The following DCDC1 variants were observed in gnomAD, a reference collection of about 807,000 sequenced individuals.
DCDC1 encodes the protein doublecortin domain-containing protein 1.
In DCDC1, 200 loss-of-function variants were observed where a neutral mutation model predicts 178.3. The observed-to-expected ratio is 1.12, with a 90% CI of 1.00 to 1.26. The LOEUF is 1.26. Among genes scored for constraint, DCDC1 ranks in the 50% most tolerant of loss-of-function variants. The probability of loss-of-function intolerance (pLI) is 0.00; values close to 1 mark genes in which losing one functional copy is unlikely to be tolerated. For synonymous variants in DCDC1, 690 were observed against 604.8 expected, an observed-to-expected ratio of 1.14 and a Z score of -2.07; for missense variants, 1,983 against 1,749.2, an observed-to-expected ratio of 1.13 and a Z score of -2.38.
chr11:31,005,596 T>A (rs536356495), intron 20 of DCDC1, among the ~76,000 whole-genome samples: 1 of 152,054 alleles, frequency 6.6e-6, no homozygotes. Flanking sequence ...ATAACAAGAC[T>A]AACCCCACTC....
rs149104212 is a variant in DCDC1 at position 30,906,571 on chromosome 11, T to G, written c.4073A>C (p.Gln1358Pro). Residue 1358 changes from glutamine (Q) to proline (P), a missense_variant, in exon 30 of 39, where the codon CAA (glutamine) becomes CCA (proline). Coordinates refer to ENST00000684477, the MANE Select transcript of DCDC1 (RefSeq NM_001387274.1). Reference protein sequence around the residue: ...SGTKTQKPFLQGPFKVISVAE... With the variant: ...SGTKTQKPFLPGPFKVISVAE... ...CACACTGATGACCTTGAAGGGCCCTTGTAAGAAGGGCTTCTGAGTCTTGGT... is the reference window on the plus strand; with the variant it reads ...CACACTGATGACCTTGAAGGGCCCTGGTAAGAAGGGCTTCTGAGTCTTGGT... 6.2e-7 allele frequency: 1 copy of G among 1,613,168 alleles called. No individual in the cohort carries two copies. Among genetic ancestry groups the G allele is most frequent in the African/African-American group, 1.3e-5 (1 of 75,002 alleles).
chr11:31,315,657 T>C (rs1254034683), intron 3 of DCDC1, among the ~76,000 whole-genome samples: 1 of 147,196 alleles, frequency 6.8e-6, no homozygotes, highest in Non-Finnish European at 1.5e-5. Flanking sequence ...TTTTTTTTTT[T>C]TTTTTTTTTT....
chr11:31,242,254 C>A (rs987856649), intron 8 of DCDC1, among the ~76,000 whole-genome samples: 2 of 151,836 alleles, frequency 1.3e-5, no homozygotes, highest in South Asian at 4.2e-4. Flanking sequence ...TTCCAGCATG[C>A]GTTTTGTAAA....
intron 37 of DCDC1, 23 bp from the exon 38 acceptor site, chr11:30,878,734 A>C: frequency 6.5e-7 from 1 of 1,531,818 alleles, no homozygotes; most frequent in Admixed American, 2.2e-5. Flanking sequence ...AAAAAAAAAG[A>C]AGTTGAGAGA....
intron 9 of DCDC1, among the ~76,000 whole-genome samples, chr11:31,153,222 G>A (rs547205785): frequency 2.6e-5 from 4 of 152,062 alleles, no homozygotes; most frequent in East Asian, 1.9e-4. Flanking sequence ...ATTACTATCT[G>A]GCTTCTCCCT....
Position 31,104,610 on chromosome 11 carries a change from C to A in DCDC1, c.1752-841G>T, listed in dbSNP as rs572944411. On this transcript the variant is annotated intron_variant, in intron 13 of 38. Coordinates refer to ENST00000684477, the MANE Select transcript of DCDC1 (RefSeq NM_001387274.1). ...TACTGGATTACAAAAAGCTCTAAAG[C>A]ATATTTTGGTTAGCTTGAATATAGA... 3.5e-4 allele frequency among the ~76,000 whole-genome samples: 54 copies of A among 152,116 alleles called. 2 individuals carry two copies. In the Middle Eastern group the frequency reaches 0.01, roughly 29 times the overall value.
chr11:31,035,998 A>AT (rs754722136), intron 20 of DCDC1, among the ~76,000 whole-genome samples: 2 of 151,880 alleles, frequency 1.3e-5, no homozygotes, highest in African/African-American at 2.4e-5. Context: ...CCACTGAGAG[A>AT]TTTTTTCAGA....
Position 30,915,791 on chromosome 11 carries a change from A to T in DCDC1, c.3453-80T>A, listed in dbSNP as rs1034079863. 12 of 1,460,528 alleles carry T rather than the reference A, an allele frequency of 8.2e-6. No homozygotes were observed. The East Asian group carries it at 2.7e-4, about 33-fold the overall frequency. The allele number at this position is 1,460,528 out of a possible 1,614,324, so 90.5% of individuals were successfully genotyped here. A position where few individuals can be genotyped will look rare whatever the true frequency, so the allele number is the denominator to read the frequency against. On this transcript the variant is annotated intron_variant, in intron 26 of 38. Coordinates refer to ENST00000684477, the MANE Select transcript of DCDC1 (RefSeq NM_001387274.1). ...TGCACTTGATGTGCTGGAGATTATAAGTTCTGTTGGTGAGAGCTCCAACGT... is the reference window on the plus strand; with the variant it reads ...TGCACTTGATGTGCTGGAGATTATATGTTCTGTTGGTGAGAGCTCCAACGT...
At chr11:31,249,812 CTTAAAT>C (rs1943847010) in intron 8 of DCDC1, among the ~76,000 whole-genome samples, 1 of 152,114 alleles carries the variant, frequency 6.6e-6, no homozygotes, top group Admixed American at 6.6e-5. Flanking sequence ...GGCAAATACA[CTTAAAT>C]TTAAAGAAGA....
At chr11:30,887,439 C>T (rs1283833136) in intron 36 of DCDC1, among the ~76,000 whole-genome samples, 5 of 152,084 alleles carry the variant, frequency 3.3e-5, no homozygotes, top group Admixed American at 1.3e-4. Flanking sequence ...AACAGATCAA[C>T]GTAATGTGTG....
intron 9 of DCDC1, among the ~76,000 whole-genome samples, chr11:31,235,998 A>C (rs1406167186): frequency 6.6e-6 from 1 of 152,068 alleles, no homozygotes; most frequent in African/African-American, 2.4e-5. Context: ...AAAAAGTTCA[A>C]TTTTGAGCTA....
At chr11:30,980,570 T>G (rs1207503845) in intron 20 of DCDC1, among the ~76,000 whole-genome samples, 1 of 152,132 alleles carries the variant, frequency 6.6e-6, no homozygotes, top group Non-Finnish European at 1.5e-5. Context: ...TGGTGTTGGA[T>G]AGAGTTGTGG....
At chr11:31,252,090 T>C (rs990095466) in intron 8 of DCDC1, among the ~76,000 whole-genome samples, 2 of 152,192 alleles carry the variant, frequency 1.3e-5, no homozygotes, top group Non-Finnish European at 2.9e-5. Context: ...TAGAGATAAG[T>C]GAGCTTGCAG....
intron 20 of DCDC1, among the ~76,000 whole-genome samples, chr11:30,993,188 T>C (rs942436373): frequency 6.6e-6 from 1 of 152,120 alleles, no homozygotes; most frequent in Admixed American, 6.6e-5. Flanking sequence ...AAATAACCCC[T>C]GGATCAAAGA....
chr11:31,115,776 G>A (rs1959812385), intron 11 of DCDC1, among the ~76,000 whole-genome samples: 1 of 151,992 alleles, frequency 6.6e-6, no homozygotes, highest in South Asian at 2.1e-4. Flanking sequence ...TGGGCAGATG[G>A]GCAAAGCAAG....
At chr11:30,970,800 T>C (rs1337925830) in intron 20 of DCDC1, among the ~76,000 whole-genome samples, 1 of 152,172 alleles carries the variant, frequency 6.6e-6, no homozygotes, top group Non-Finnish European at 1.5e-5. Context: ...ACCTGGGGAT[T>C]ACCCCATATC....
intron 20 of DCDC1, among the ~76,000 whole-genome samples, chr11:31,013,043 T>C (rs1952267521): frequency 6.6e-6 from 1 of 152,184 alleles, no homozygotes; most frequent in Non-Finnish European, 1.5e-5. Context: ...AAAACTCTAT[T>C]AAAGCTGGTT....
chr11:31,131,814 A>G (rs1261671052), intron 10 of DCDC1, among the ~76,000 whole-genome samples: 3 of 152,222 alleles, frequency 2.0e-5, no homozygotes, highest in African/African-American at 7.2e-5. Flanking sequence ...AATTTCATGT[A>G]CTGCACCTTG....
intron 20 of DCDC1, among the ~76,000 whole-genome samples, chr11:30,973,306 C>G (rs1020546413): frequency 6.6e-6 from 1 of 151,410 alleles, no homozygotes; most frequent in Admixed American, 6.6e-5. Flanking sequence ...CATCTCCCCC[C>G]TCTCTCTCTT....
Sources: allele counts gnomAD v4.1 joint callset (sites outside exome capture counted in the v4.1 genomes callset), GRCh38; gene constraint gnomAD v4.1.1; transcripts MANE v1.5; gene names NCBI Gene and HGNC (gene_info 2026-07-23, HGNC 2026-07-21).